Variants in PLAT observed in about 807,000 individuals in gnomAD.
The protein encoded by PLAT is tissue-type plasminogen activator.
In PLAT, 48 loss-of-function variants were observed where a neutral mutation model predicts 74.9. The observed-to-expected ratio is 0.64, with a 90% CI of 0.51 to 0.82. The LOEUF (loss-of-function observed/expected upper bound fraction) is 0.82. Ranked by LOEUF, PLAT falls within the 40% of genes least tolerant of loss-of-function variation. The probability of loss-of-function intolerance (pLI) is 0.00; values close to 1 mark genes in which losing one functional copy is unlikely to be tolerated. For synonymous variants in PLAT, 307 were observed against 294.4 expected, an observed-to-expected ratio of 1.04 and a Z score of -0.44; for missense variants, 673 against 736.2, an observed-to-expected ratio of 0.91 and a Z score of 0.99.
chr8:42,178,894 T>C lies in PLAT; in HGVS notation c.1530+3A>G. 1.2e-6 allele frequency: 2 copies of C among 1,612,860 alleles called. No homozygotes were observed. Among genetic ancestry groups the C allele is most frequent in the Non-Finnish European group, 1.7e-6 (2 of 1,179,832 alleles). On this transcript the variant is annotated splice_donor_region_variant and intron_variant, in intron 13 of 13. Transcript: ENST00000220809. Reference sequence around the variant, plus strand: ...CCAGCATGGGCGCGCCACTCCTGGTTACCTGGCAGGCGTCGTGCAAGTTTG... The same window carrying C: ...CCAGCATGGGCGCGCCACTCCTGGTCACCTGGCAGGCGTCGTGCAAGTTTG...
intron 12 of PLAT, 97 bp downstream of exon 12, chr8:42,179,829 T>A (rs960857714): frequency 1.6e-6 from 2 of 1,270,854 alleles, no homozygotes; most frequent in Admixed American, 5.9e-5. Context: ...GACCCGGGGC[T>A]GGAACTTCGG....
chr8:42,178,221 C>T (rs1805049022), intron 13 of PLAT, among the ~76,000 whole-genome samples: 1 of 151,842 alleles, frequency 6.6e-6, no homozygotes, highest in Non-Finnish European at 1.5e-5. Flanking sequence ...TTCTACAAAG[C>T]AGACTCCAAT....
At chr8:42,196,549 C>T (rs1268361575) in intron 1 of PLAT, among the ~76,000 whole-genome samples, 1 of 152,136 alleles carries the variant, frequency 6.6e-6, no homozygotes, top group Non-Finnish European at 1.5e-5. Context: ...GTCCTTGTTT[C>T]GCCTTCGCTG....
At chr8:42,201,054 T>C (rs1261799356) in intron 1 of PLAT, among the ~76,000 whole-genome samples, 3 of 152,176 alleles carry the variant, frequency 2.0e-5, no homozygotes, top group Non-Finnish European at 4.4e-5. Flanking sequence ...GGTCTCGAAC[T>C]CCCAACCTCA....
chr8:42,179,397 A>T lies in PLAT; in HGVS notation c.1364-334T>A, dbSNP rs1805119305. ...GGCGTTAACCCTCACCCTAAACTGT[A>T]ACAACCAAAAACGTCTCCAGACCTC... is the stretch of plus-strand genomic sequence containing the variant. On this transcript the variant is annotated intron_variant, in intron 12 of 13. Coordinates refer to ENST00000220809, the MANE Select transcript of PLAT (RefSeq NM_000930.5). Among the ~76,000 whole-genome samples, 3 of 152,162 alleles carry T rather than the reference A, an allele frequency of 2.0e-5. No individual in the cohort carries two copies. The South Asian group carries it at 6.2e-4, about 31-fold the overall frequency.
At chr8:42,180,845 G>A (rs746572823) in intron 9 of PLAT, 160 bp from the exon 10 acceptor site, 5 of 589,412 alleles carry the variant, frequency 8.5e-6, no homozygotes, top group South Asian at 2.4e-5. Context: ...TTCCCACAGC[G>A]ATAAGTTTCA....
intron 6 of PLAT, 124 bp from the exon 7 acceptor site, chr8:42,185,296 G>A (rs371634086): frequency 1.9e-4 from 100 of 520,252 alleles, no homozygotes; most frequent in African/African-American, 1.8e-3. Flanking sequence ...ACAGAGTCTC[G>A]CTGTTTATCC....
rs1781865766 is a variant in PLAT, at chr8:42,176,252, G to C, written c.1531-101C>G. On this transcript the variant is annotated intron_variant, in intron 13 of 13. Coordinates refer to ENST00000220809, the MANE Select transcript of PLAT (RefSeq NM_000930.5). The stretch of plus-strand genomic sequence containing the variant: ...ACATCGTAATCTTCAAAATACAGCA[G>C]GCCCTTCAATAATATTCCATTCAGT... 3 of 800,746 alleles carry C rather than the reference G, an allele frequency of 3.7e-6. No homozygotes were observed. In the African/African-American group the frequency reaches 5.2e-5, roughly 14 times the overall value. 49.6% of individuals were successfully genotyped at this position (800,746 alleles called of 1,614,324 possible). A position where few individuals can be genotyped will look rare whatever the true frequency, so the allele number is the denominator to read the frequency against.
At position 42,180,061 on chromosome 8, in the gene PLAT, G is replaced by A; in HGVS notation, c.1228C>T (p.Leu410=). 1 of 1,605,102 alleles carries A rather than the reference G, an allele frequency of 6.2e-7. No homozygotes were observed. The highest frequency in any genetic ancestry group is 8.5e-7 in the Non-Finnish European group (1 of 1,173,812). The change falls in exon 12 of 14, where the codon CTG becomes TTG. Residue 410 remains leucine, a synonymous_variant. Coordinates refer to ENST00000220809, the MANE Select transcript of PLAT (RefSeq NM_000930.5). The part of the protein sequence containing the change: ...DDTYDNDIAL[L]QLKSDSSRCA... The stretch of plus-strand genomic sequence containing the variant: ...CGGGACGAATCCGATTTCAGCTGCA[G>A]CAGCGCTGGGAGGGAGAAAGGAGGA...
intron 1 of PLAT, among the ~76,000 whole-genome samples, chr8:42,205,016 C>T (rs769015534): frequency 6.6e-5 from 10 of 152,156 alleles, no homozygotes; most frequent in East Asian, 3.8e-4. Context: ...CTACATAAGA[C>T]GGCTACAAAG....
In PLAT at chr8:42,193,295, C is replaced by T. The variant is rs1019215106; in HGVS notation, c.-26-84G>A. The T allele has an allele frequency of 1.6e-5, 14 of 862,436 alleles. No individual in the cohort carries two copies. The Admixed American group carries it at 1.9e-4, about 12-fold the overall frequency. The allele number at this position is 862,436 out of a possible 1,614,324, so 53.4% of individuals were successfully genotyped here. Reference sequence around the variant, plus strand: ...GAGGAGGATAAGCCGCAATGTTGTCCTGTCTGGCTTCCTCCAGTGCCAGCC... The same window carrying T: ...GAGGAGGATAAGCCGCAATGTTGTCTTGTCTGGCTTCCTCCAGTGCCAGCC... On this transcript the variant is annotated intron_variant, in intron 1 of 13. Coordinates refer to ENST00000220809, the MANE Select transcript of PLAT (RefSeq NM_000930.5).
At chr8:42,187,269 TCATCTATC>T (rs1246735373) in intron 6 of PLAT, 121 bp downstream of exon 6, 2 of 676,884 alleles carry the variant, frequency 3.0e-6, no homozygotes, top group East Asian at 2.8e-5. Context: ...TATCTGTCTA[TCATCTATC>T]CATCTATCCA....
chr8:42,203,777 C>T (rs1308100564), intron 1 of PLAT, among the ~76,000 whole-genome samples: 3 of 151,874 alleles, frequency 2.0e-5, no homozygotes, highest in Non-Finnish European at 4.4e-5. Context: ...CTAGCCTGGG[C>T]AACAAAGCAA....
intron 13 of PLAT, among the ~76,000 whole-genome samples, 162 bp downstream of exon 13, chr8:42,178,735 G>T (rs1240272793): frequency 6.6e-6 from 1 of 152,244 alleles, no homozygotes; most frequent in Non-Finnish European, 1.5e-5. Context: ...TCTTCCTCCA[G>T]TTGCTTTATT....
At position 42,180,488 on chromosome 8, in the gene PLAT, A is replaced by G; in HGVS notation, c.1085+2T>C. The G allele has an allele frequency of 1.2e-6, 2 of 1,613,930 alleles. No homozygotes were observed. Among genetic ancestry groups the G allele is most frequent in the Non-Finnish European group, 8.5e-7 (1 of 1,180,034 alleles). The stretch of plus-strand genomic sequence containing the variant: ...AAACCAACTGGGTTTCCGAGCCCCT[A>G]CCTCTCCTGGAAGCAGTGGGCGGCA... On this transcript the variant is annotated splice_donor_variant, in intron 10 of 13. Coordinates refer to ENST00000220809, the MANE Select transcript of PLAT (RefSeq NM_000930.5). LOFTEE classifies it high-confidence loss of function.
intron 1 of PLAT, among the ~76,000 whole-genome samples, chr8:42,194,241 A>AGAGAGAGAGAGAGAGAGAGAGAGTGT (rs1419569830): frequency 1.9e-5 from 1 of 52,578 alleles, no homozygotes; most frequent in African/African-American, 6.7e-5. Context: ...AGAGAGAGAG[A>AGAGAGAGAGAGAGAGAGAGAGAGTGT]GTGTGTGTGT....
chr8:42,194,682 T>A (rs1267220721), intron 1 of PLAT, among the ~76,000 whole-genome samples: 1 of 152,228 alleles, frequency 6.6e-6, no homozygotes, highest in Admixed American at 6.5e-5. Context: ...CAGCACATCA[T>A]AGAGCCAGCC....
rs771610953 is a variant in PLAT, at chr8:42,175,763, T to G, written c.*230A>C. 1.6e-5 allele frequency: 8 copies of G among 494,288 alleles called. No homozygotes were observed. The highest frequency in any genetic ancestry group is 2.9e-5 in the Non-Finnish European group (8 of 274,186). 30.6% of individuals were successfully genotyped at this position (494,288 alleles called of 1,614,324 possible). On this transcript the variant is annotated 3_prime_UTR_variant, in exon 14 of 14. Transcript: ENST00000220809. The stretch of plus-strand genomic sequence containing the variant: ...CATTCCTGGAGAGGCTAGTGTGCAT[T>G]CATGTCTTCCCATCTGACAGAGTAT...
At chr8:42,195,135 G>A (rs947688433) in intron 1 of PLAT, among the ~76,000 whole-genome samples, 5 of 143,136 alleles carry the variant, frequency 3.5e-5, no homozygotes, top group African/African-American at 1.0e-4. Flanking sequence ...TCCCCCGAGC[G>A]TCCTAGGGGC....
Sources: gnomAD v4.1 joint callset for allele counts (sites outside exome capture counted in the v4.1 genomes callset) on GRCh38, gnomAD v4.1.1 for gene constraint, MANE v1.5 for transcripts, NCBI Gene and HGNC (gene_info 2026-07-23, HGNC 2026-07-21) for gene names.